RELN: variants seen among roughly 807,000 people sequenced by gnomAD.
The protein encoded by RELN is reelin.
Under a neutral mutation model 427.6 loss-of-function variants are expected in RELN, and 108 were observed. The ratio of observed to expected loss-of-function variants is 0.25; its 90% CI spans 0.22 to 0.30. The LOEUF is 0.30. RELN is among the 10% of genes least tolerant of loss of function. The pLI, the probability that RELN is intolerant of heterozygous loss-of-function variation, is 1.00. For synonymous variants in RELN, 1,524 were observed against 1,513.4 expected, an observed-to-expected ratio of 1.01 and a Z score of -0.16; for missense variants, 3,715 against 4,302.8, an observed-to-expected ratio of 0.86 and a Z score of 3.82.
chr7:103,876,011 A>G (rs1346232218), intron 2 of RELN, among the ~76,000 whole-genome samples: 3 of 152,268 alleles, frequency 2.0e-5, no homozygotes, highest in African/African-American at 7.2e-5. Context: ...CATTCTAAAG[A>G]CAACATAAAA....
intron 2 of RELN, among the ~76,000 whole-genome samples, chr7:103,916,170 A>G (rs1279521494): frequency 2.0e-5 from 3 of 152,198 alleles, no homozygotes; most frequent in Admixed American, 6.5e-5. Context: ...ACATCAGCCA[A>G]TGACTCATCT....
At chr7:103,553,312 A>G (rs925147086) in intron 40 of RELN, 149 bp downstream of exon 40, 10 of 654,222 alleles carry the variant, frequency 1.5e-5, no homozygotes, top group East Asian at 2.7e-5. Flanking sequence ...CTCTGTTAAT[A>G]AGAGAAAATT....
At chr7:103,818,035 G>A (rs1198930180) in intron 3 of RELN, among the ~76,000 whole-genome samples, 1 of 150,952 alleles carries the variant, frequency 6.6e-6, no homozygotes, top group African/African-American at 2.4e-5. Context: ...CAATATGCAG[G>A]CACAATCACC....
chr7:103,701,803 C>A (rs1834098366), intron 8 of RELN, among the ~76,000 whole-genome samples: 1 of 152,010 alleles, frequency 6.6e-6, no homozygotes. Context: ...AATTTTTATA[C>A]TATCTTTAAA....
At chr7:103,666,857 C>G (rs1833278577) in intron 11 of RELN, among the ~76,000 whole-genome samples, 1 of 151,972 alleles carries the variant, frequency 6.6e-6, no homozygotes, top group African/African-American at 2.4e-5. Context: ...ATCCTAATTA[C>G]TTCTTTATGG....
intron 35 of RELN, 51 bp from the exon 36 acceptor site, chr7:103,561,760 C>A (rs1360637699): frequency 1.9e-6 from 3 of 1,613,616 alleles, no homozygotes; most frequent in Admixed American, 1.7e-5. Context: ...GTTCAACAAG[C>A]CATATTTATT....
At chr7:103,689,730 C>G (rs7780108) in intron 10 of RELN, among the ~76,000 whole-genome samples, 2,188 of 152,264 alleles carry the variant, frequency 0.014, 54 homozygotes, top group African/African-American at 0.05. Flanking sequence ...GCTCACAGCT[C>G]TTTCCAAATC....
intron 24 of RELN, among the ~76,000 whole-genome samples, chr7:103,598,686 T>C (rs1017561212): frequency 4.6e-5 from 7 of 152,212 alleles, no homozygotes; most frequent in Admixed American, 4.6e-4. Flanking sequence ...TGATGGAAAA[T>C]ATCACACAAA....
At chr7:103,637,167 A>G (rs1584365201) in intron 17 of RELN, among the ~76,000 whole-genome samples, 1 of 152,228 alleles carries the variant, frequency 6.6e-6, no homozygotes, top group Non-Finnish European at 1.5e-5. Flanking sequence ...CAAGTTTTCT[A>G]TCAGTGAGAA....
At chr7:103,660,732 G>A (rs1235975541) in intron 12 of RELN, among the ~76,000 whole-genome samples, 1 of 152,112 alleles carries the variant, frequency 6.6e-6, no homozygotes, top group African/African-American at 2.4e-5. Flanking sequence ...CACATTTCTG[G>A]AATGACATCA....
intron 8 of RELN, among the ~76,000 whole-genome samples, chr7:103,715,768 TC>T (rs1256749902): frequency 1.3e-5 from 2 of 152,184 alleles, no homozygotes; most frequent in Non-Finnish European, 2.9e-5. Context: ...CAAGCCACAT[TC>T]CAACCACTTC....
rs1449513051 is a variant in RELN, at chr7:103,500,936, A to G, written c.8490-14T>C. On this transcript the variant is annotated splice_polypyrimidine_tract_variant and intron_variant, in intron 52 of 64. Coordinates refer to ENST00000428762, the MANE Select transcript of RELN (RefSeq NM_005045.4). ...AACCTTACCGGACTATTGACAATGC[A>G]AAAGCAAAGGAGTGAAAAACAAAAG... 5 of 1,613,716 alleles carry G rather than the reference A, an allele frequency of 3.1e-6. No homozygotes were observed. The highest frequency in any genetic ancestry group is 4.2e-6 in the Non-Finnish European group (5 of 1,179,724).
rs1421273630 is a variant in RELN, at chr7:103,820,554, A to T, written c.473+12983T>A. ...AAAGAAAAGAAAAACACTCATTCTT[A>T]AAAAAAAAAAACTATTAATCAAGGA... On this transcript the variant is annotated intron_variant, in intron 3 of 64. Coordinates refer to ENST00000428762, the MANE Select transcript of RELN (RefSeq NM_005045.4). 1.1e-4 allele frequency among the ~76,000 whole-genome samples: 4 copies of T among 36,546 alleles called. No individual in the cohort carries two copies. In the East Asian group the frequency reaches 2.9e-3, roughly 26 times the overall value. 24.0% of individuals were successfully genotyped at this position (36,546 alleles called of 152,430 possible).
At chr7:103,890,697 A>C (rs1056482539) in intron 2 of RELN, among the ~76,000 whole-genome samples, 4 of 152,170 alleles carry the variant, frequency 2.6e-5, no homozygotes, top group Non-Finnish European at 5.9e-5. Flanking sequence ...TAAGCAATCA[A>C]GCCTCCTATA....
At position 103,728,682 on chromosome 7, in the gene RELN, T is replaced by C. The variant is rs77181943; in HGVS notation, c.657-475A>G. ...GAGTAATAGCCACTTACATAAAAAC[T>C]TGTATCTCTGAAATTAAAAGGTGTT... On this transcript the variant is annotated intron_variant, in intron 6 of 64. Coordinates refer to ENST00000428762, the MANE Select transcript of RELN (RefSeq NM_005045.4). 7.1e-3 allele frequency among the ~76,000 whole-genome samples: 1,086 copies of C among 152,284 alleles called. 19 individuals carry two copies. The highest frequency in any genetic ancestry group is 0.025 in the African/African-American group (1,038 of 41,560).
At chr7:103,527,703 C>T (rs1829853487) in intron 46 of RELN, among the ~76,000 whole-genome samples, 3 of 152,204 alleles carry the variant, frequency 2.0e-5, no homozygotes, top group Admixed American at 2.0e-4. Flanking sequence ...CAAGACCCTT[C>T]CTTTATGTTT....
intron 2 of RELN, among the ~76,000 whole-genome samples, chr7:103,855,532 T>C (rs751456053): frequency 3.3e-5 from 5 of 152,200 alleles, no homozygotes; most frequent in Non-Finnish European, 7.4e-5. Context: ...AAGGATTCTA[T>C]TATTAAGAAG....
intron 43 of RELN, among the ~76,000 whole-genome samples, chr7:103,541,602 G>T (rs1325195893): frequency 6.6e-6 from 1 of 152,124 alleles, no homozygotes; most frequent in African/African-American, 2.4e-5. Flanking sequence ...ATACATGGTT[G>T]GGTCTAGTGA....
chr7:103,816,566 C>CA (rs1554424804), intron 3 of RELN, among the ~76,000 whole-genome samples: 1 of 150,724 alleles, frequency 6.6e-6, no homozygotes, highest in African/African-American at 2.5e-5. Context: ...CACACACACA[C>CA]AACTAAGGCC....
Sources: allele counts gnomAD v4.1 joint callset (sites outside exome capture counted in the v4.1 genomes callset), GRCh38; gene constraint gnomAD v4.1.1; transcripts MANE v1.5; gene names NCBI Gene and HGNC (gene_info 2026-07-23, HGNC 2026-07-21).